STAM2: variants seen among roughly 807,000 people sequenced by gnomAD.
The protein encoded by STAM2 is signal transducing adapter molecule 2.
A neutral mutation model predicts 65.6 loss-of-function variants in STAM2; 51 were observed. That is an observed-to-expected ratio of 0.78 (90% CI 0.62 to 0.98). The LOEUF is 0.98. Among genes scored for constraint, STAM2 ranks in the 50% least tolerant of loss-of-function variants. The pLI is 0.00. For missense variants in STAM2, 584 were observed against 617.8 expected (o/e 0.95, Z 0.58); for synonymous variants, 198 against 208.4 (o/e 0.95, Z 0.43).
intron 5 of STAM2, 120 bp downstream of exon 5, chr2:152,147,042 A>T: frequency 1.1e-6 from 1 of 908,432 alleles, no homozygotes; most frequent in Non-Finnish European, 1.6e-6. Flanking sequence ...TATGCTAGAG[A>T]GTCATTTGGG....
In STAM2 at chr2:152,133,385, C is replaced by T. The variant is rs1211594071; in HGVS notation, c.882+17G>A. On this transcript the variant is annotated intron_variant, in intron 9 of 13. Transcript: ENST00000263904. ...ATGTCTTGATAGTTTAACTATTAAACAAAAGAGGGACCCTACCTCATCTAT... is the reference window on the plus strand; with the variant it reads ...ATGTCTTGATAGTTTAACTATTAAATAAAAGAGGGACCCTACCTCATCTAT... 1.3e-6 allele frequency: 2 copies of T among 1,599,542 alleles called. No individual in the cohort carries two copies. The highest frequency in any genetic ancestry group is 2.7e-5 in the African/African-American group (2 of 74,282).
At chr2:152,125,691 T>A (rs144870138) in intron 12 of STAM2, among the ~76,000 whole-genome samples, 1 of 152,190 alleles carries the variant, frequency 6.6e-6, no homozygotes, top group Non-Finnish European at 1.5e-5. Flanking sequence ...TTTTTAACAA[T>A]GTAAGTCATG....
At chr2:152,160,018 C>A (rs1437477627) in intron 1 of STAM2, among the ~76,000 whole-genome samples, 1 of 152,262 alleles carries the variant, frequency 6.6e-6, no homozygotes, top group African/African-American at 2.4e-5. Context: ...GACGGAGGCT[C>A]CTTCACTCAG....
chr2:152,148,894 G>T (rs1459220787), intron 2 of STAM2, among the ~76,000 whole-genome samples: 1 of 151,550 alleles, frequency 6.6e-6, no homozygotes, highest in African/African-American at 2.4e-5. Context: ...ATTTCTTCAA[G>T]ACAGGTTTAG....
At chr2:152,133,117 A>G (rs983800170) in intron 10 of STAM2, 56 bp downstream of exon 10, 6 of 945,154 alleles carry the variant, frequency 6.3e-6, no homozygotes, top group Non-Finnish European at 5.6e-6. Context: ...TGAAGACATC[A>G]TGAATAGCTA....
In STAM2 at chr2:152,118,945, A is replaced by T. The variant is rs1212653071; in HGVS notation, c.*1629T>A. The T allele has an allele frequency of 1.3e-5, 2 of 152,150 alleles. No individual in the cohort carries two copies. The highest frequency in any genetic ancestry group is 2.9e-5 in the Non-Finnish European group (2 of 67,984). 9.4% of individuals were successfully genotyped at this position (152,150 alleles called of 1,614,324 possible). On this transcript the variant is annotated 3_prime_UTR_variant, in exon 14 of 14. Coordinates refer to ENST00000263904, the MANE Select transcript of STAM2 (RefSeq NM_005843.6). The stretch of plus-strand genomic sequence containing the variant: ...TTTTCCACTTAAATGTAGATCAAGT[A>T]CCATATAGACTATTTTGTTCTAGAA...
chr2:152,165,391 A>AC (rs1473156517), intron 1 of STAM2, among the ~76,000 whole-genome samples: 1 of 152,074 alleles, frequency 6.6e-6, no homozygotes, highest in Admixed American at 6.6e-5. Context: ...AGATAGCGCC[A>AC]CTGCACTCCA....
At chr2:152,143,789 T>A (rs373170927) in intron 7 of STAM2, 38 bp downstream of exon 7, 10 of 1,526,194 alleles carry the variant, frequency 6.6e-6, no homozygotes, top group African/African-American at 1.4e-5. Context: ...ATTAAGGGCA[T>A]TACACTTTAA....
At chr2:152,127,657 A>T (rs1579311876) in intron 11 of STAM2, among the ~76,000 whole-genome samples, 1 of 152,060 alleles carries the variant, frequency 6.6e-6, no homozygotes, top group Non-Finnish European at 1.5e-5. Flanking sequence ...AACAATGTGT[A>T]AGTAAGACTA....
intron 1 of STAM2, among the ~76,000 whole-genome samples, chr2:152,163,533 G>T (rs1689722841): frequency 1.3e-5 from 2 of 152,118 alleles, no homozygotes. Context: ...TGAAATTGGT[G>T]CACCTTAAAA....
At chr2:152,122,104 G>GTGTGTA in intron 13 of STAM2, among the ~76,000 whole-genome samples, 1 of 148,066 alleles carries the variant, frequency 6.8e-6, no homozygotes, top group Middle Eastern at 3.5e-3. Context: ...GTGTGTGTGT[G>GTGTGTA]TATACACATA....
chr2:152,126,380 C>T lies in STAM2; in HGVS notation c.1026-1G>A, dbSNP rs1226178169. 1.3e-6 allele frequency: 2 copies of T among 1,533,366 alleles called. No individual in the cohort carries two copies. Among genetic ancestry groups the T allele is most frequent in the South Asian group, 2.6e-5 (2 of 75,758 alleles). The allele number at this position is 1,533,366 out of a possible 1,614,324, so 95.0% of individuals were successfully genotyped here. A position where few individuals can be genotyped will look rare whatever the true frequency, so the allele number is the denominator to read the frequency against. ...CAATTCAGACAATTCTGAATGCTTC[C>T]TGATGTAGAAGAAAAGTATTATAAT... On this transcript the variant is annotated splice_acceptor_variant, in intron 11 of 13. Coordinates refer to ENST00000263904, the MANE Select transcript of STAM2 (RefSeq NM_005843.6). LOFTEE classifies it high-confidence loss of function.
At chr2:152,160,683 G>A (rs181138029) in intron 1 of STAM2, among the ~76,000 whole-genome samples, 32,681 of 144,548 alleles carry the variant, frequency 0.23, 3,817 homozygotes, top group Admixed American at 0.3. Context: ...CAGCCACCCC[G>A]TCCGGGAGGG....
chr2:152,172,802 C>T (rs1253069061), intron 1 of STAM2, among the ~76,000 whole-genome samples: 3 of 147,146 alleles, frequency 2.0e-5, no homozygotes, highest in East Asian at 2.0e-4. Flanking sequence ...ACCCGGGAGG[C>T]GGGGTTGCAG....
chr2:152,123,874 A>G lies in STAM2; in HGVS notation c.1241T>C (p.Val414Ala). The G allele has an allele frequency of 1.2e-6, 2 of 1,614,150 alleles. No individual in the cohort carries two copies. The highest frequency in any genetic ancestry group is 1.3e-5 in the African/African-American group (1 of 75,052). Residue 414 changes from valine to alanine, a missense_variant, in exon 13 of 14, where the codon GTT becomes GCT. Coordinates refer to ENST00000263904, the MANE Select transcript of STAM2 (RefSeq NM_005843.6). Reference sequence around the variant, plus strand: ...GGGTCCTAGGCTATAGCTTTGGGCAACAGTTACTTGGTGAATGCTCTGACC... The same window carrying G: ...GGGTCCTAGGCTATAGCTTTGGGCAGCAGTTACTTGGTGAATGCTCTGACC... Reference protein sequence around the residue: ...YMGQSIHQVTVAQSYSLGPDQ... With the variant: ...YMGQSIHQVTAAQSYSLGPDQ...
At chr2:152,174,928 C>G (rs1689984891) in intron 1 of STAM2, among the ~76,000 whole-genome samples, 1 of 152,128 alleles carries the variant, frequency 6.6e-6, no homozygotes, top group South Asian at 2.1e-4. Context: ...GAGACCAGCG[C>G]TTTATGACTG....
At chr2:152,138,924 T>G (rs576361348) in intron 7 of STAM2, among the ~76,000 whole-genome samples, 1 of 152,204 alleles carries the variant, frequency 6.6e-6, no homozygotes, top group African/African-American at 2.4e-5. Context: ...ACTGTATGTG[T>G]GTACCCTTCC....
rs1419082153 is a variant in STAM2, at chr2:152,150,211, T to TG, written c.58_59insC (p.Tyr20SerfsTer15). ...AAGACTCCAATCTTCTGTAGTGTTGTACTCATTCGTGGCTTTTTCTATAAA... is the reference window on the plus strand; with the variant it reads ...AAGACTCCAATCTTCTGTAGTGTTGTGACTCATTCGTGGCTTTTTCTATAAA... On this transcript the variant is annotated frameshift_variant, in exon 2 of 14. Transcript: ENST00000263904. LOFTEE classifies it high-confidence loss of function. 1 of 1,613,228 alleles carries TG rather than the reference T, an allele frequency of 6.2e-7. No individual in the cohort carries two copies.
At chr2:152,149,611 T>A (rs892416763) in intron 2 of STAM2, among the ~76,000 whole-genome samples, 13 of 151,756 alleles carry the variant, frequency 8.6e-5, no homozygotes, top group African/African-American at 3.1e-4. Context: ...GATTTTCCTG[T>A]CTCAGCATCT....
Sources: gnomAD v4.1 joint callset for allele counts (sites outside exome capture counted in the v4.1 genomes callset) on GRCh38, gnomAD v4.1.1 for gene constraint, MANE v1.5 for transcripts, NCBI Gene and HGNC (gene_info 2026-07-23, HGNC 2026-07-21) for gene names.